The following DLGAP1 variants were observed in gnomAD, a reference collection of about 807,000 sequenced individuals.
The protein encoded by DLGAP1 is DLG associated protein 1.
Under a neutral mutation model 90.8 loss-of-function variants are expected in DLGAP1, and 11 were observed. That is an observed-to-expected ratio of 0.12 (90% CI 0.08 to 0.20). The LOEUF (loss-of-function observed/expected upper bound fraction) is 0.20, where lower values mean the gene tolerates loss of function less well. Ranked by LOEUF, DLGAP1 falls within the 10% of genes least tolerant of loss-of-function variation. The pLI, the probability that DLGAP1 is intolerant of heterozygous loss-of-function variation, is 1.00. For missense variants in DLGAP1, 1,050 were observed against 1,333.8 expected (o/e 0.79, Z 3.31); for synonymous variants, 558 against 540.7 (o/e 1.03, Z -0.44).
intron 4 of DLGAP1, chr18:3,845,201 T>C (rs2068940025): frequency 6.2e-7 from 1 of 1,608,436 alleles, no homozygotes; most frequent in Admixed American, 1.7e-5. Context: ...TTTATTTTCC[T>C]TTCCATAGCC....
intron 7 of DLGAP1, among the ~76,000 whole-genome samples, chr18:3,709,228 C>T (rs1181821761): frequency 6.6e-6 from 1 of 152,280 alleles, no homozygotes; most frequent in East Asian, 1.9e-4. Flanking sequence ...GCCGTGCAAC[C>T]TGACATGCAC....
intron 7 of DLGAP1, among the ~76,000 whole-genome samples, chr18:3,583,281 C>T (rs896069732): frequency 2.0e-4 from 30 of 150,456 alleles, no homozygotes; most frequent in Admixed American, 1.3e-4. Flanking sequence ...TTCTTTCCTT[C>T]CTTCCCTCCT....
At chr18:3,694,939 G>GTTTTTTTT (rs1219198458) in intron 7 of DLGAP1, among the ~76,000 whole-genome samples, 1 of 125,254 alleles carries the variant, frequency 8.0e-6, no homozygotes, top group Non-Finnish European at 1.7e-5. Context: ...TGTTTTTTTT[G>GTTTTTTTT]TTTTTTTTTT....
At chr18:3,507,456 C>A (rs1456053002) in intron 11 of DLGAP1, among the ~76,000 whole-genome samples, 1 of 152,082 alleles carries the variant, frequency 6.6e-6, no homozygotes, top group African/African-American at 2.4e-5. Flanking sequence ...GCAGAGGTTG[C>A]AGTGAGCCGA....
intron 1 of DLGAP1, among the ~76,000 whole-genome samples, chr18:4,445,946 T>C (rs780907716): frequency 7.9e-5 from 12 of 151,760 alleles, no homozygotes; most frequent in Non-Finnish European, 1.6e-4. Flanking sequence ...GTCAACTAGA[T>C]AGAAGGACAG....
At chr18:4,146,074 A>G (rs1214553554) in intron 2 of DLGAP1, among the ~76,000 whole-genome samples, 1 of 152,216 alleles carries the variant, frequency 6.6e-6, no homozygotes, top group Admixed American at 6.5e-5. Flanking sequence ...AAAGTCCTAA[A>G]TAAAAGTTTC....
intron 3 of DLGAP1, among the ~76,000 whole-genome samples, chr18:3,962,155 G>A (rs139622968): frequency 6.6e-6 from 1 of 152,172 alleles, no homozygotes; most frequent in Non-Finnish European, 1.5e-5. Flanking sequence ...CGTCTCAGTG[G>A]TAAGAATTTT....
intron 3 of DLGAP1, among the ~76,000 whole-genome samples, chr18:3,946,120 C>T (rs1192359454): frequency 1.3e-5 from 2 of 151,460 alleles, no homozygotes; most frequent in African/African-American, 4.9e-5. Context: ...ACTTTATTCC[C>T]TTATTTTTTT....
At chr18:3,705,735 T>G (rs1278042598) in intron 7 of DLGAP1, among the ~76,000 whole-genome samples, 1 of 151,726 alleles carries the variant, frequency 6.6e-6, no homozygotes, top group African/African-American at 2.4e-5. Context: ...CTCGGCTCAC[T>G]ACAACCTCTG....
intron 1 of DLGAP1, among the ~76,000 whole-genome samples, chr18:4,284,409 A>T (rs996948012): frequency 6.6e-6 from 1 of 152,182 alleles, no homozygotes; most frequent in Non-Finnish European, 1.5e-5. Flanking sequence ...CAAACGCTTT[A>T]TCCCATCAAA....
chr18:4,257,687 C>T (rs1231302598), intron 1 of DLGAP1, among the ~76,000 whole-genome samples: 3 of 150,964 alleles, frequency 2.0e-5, no homozygotes, highest in African/African-American at 7.3e-5. Flanking sequence ...TGCAGTGGCA[C>T]GATCTTGGCT....
At chr18:3,674,296 A>AATATATAT (rs1555623973) in intron 7 of DLGAP1, among the ~76,000 whole-genome samples, 2 of 128,992 alleles carry the variant, frequency 1.6e-5, no homozygotes, top group Non-Finnish European at 1.6e-5. Flanking sequence ...ATAATATTAA[A>AATATATAT]ATATATATAT....
chr18:3,829,011 A>G (rs1040655390), intron 4 of DLGAP1, among the ~76,000 whole-genome samples: 1 of 152,256 alleles, frequency 6.6e-6, no homozygotes, highest in Admixed American at 6.5e-5. Flanking sequence ...TGCTTATAAA[A>G]GTGGCACTGA....
chr18:3,980,154 TAAAC>T (rs1599261021), intron 3 of DLGAP1, among the ~76,000 whole-genome samples: 1 of 151,366 alleles, frequency 6.6e-6, no homozygotes, highest in African/African-American at 2.4e-5. Context: ...AATAAATAAA[TAAAC>T]AAAAAAAGTA....
chr18:4,109,477 G>A (rs1466091173), intron 2 of DLGAP1, among the ~76,000 whole-genome samples: 2 of 152,154 alleles, frequency 1.3e-5, no homozygotes, highest in Admixed American at 6.5e-5. Flanking sequence ...CATGGTTACT[G>A]TAGTGTTCAG....
At chr18:4,364,369 C>A (rs1336595066) in intron 1 of DLGAP1, among the ~76,000 whole-genome samples, 4 of 151,258 alleles carry the variant, frequency 2.6e-5, no homozygotes, top group Non-Finnish European at 4.4e-5. Flanking sequence ...AACTAACCTG[C>A]ACATTGTGCA....
chr18:3,625,989 C>G (rs1309889978), intron 7 of DLGAP1, among the ~76,000 whole-genome samples: 1 of 152,110 alleles, frequency 6.6e-6, no homozygotes, highest in African/African-American at 2.4e-5. Flanking sequence ...TTGTGCTTGC[C>G]TAGGTTTGTG....
chr18:3,549,026 G>A (rs902500220), intron 9 of DLGAP1, among the ~76,000 whole-genome samples: 3 of 152,170 alleles, frequency 2.0e-5, no homozygotes, highest in Admixed American at 1.3e-4. Flanking sequence ...GCGACAGGGC[G>A]AGACTCCATC....
Position 3,879,817 on chromosome 18 carries a change from C to T in DLGAP1, c.252G>A (p.Glu84=), listed in dbSNP as rs527936605. The part of the protein sequence containing the change: ...HYTSQQELKD[E]CALVPRTLAT... Reference sequence around the variant, plus strand: ...CCAGGGTGCGGGGCACCAGGGCACACTCGTCCTTCAGCTCTTGCTGCGAGG... The same window carrying T: ...CCAGGGTGCGGGGCACCAGGGCACATTCGTCCTTCAGCTCTTGCTGCGAGG... Residue 84 remains glutamate, a synonymous_variant, in exon 4 of 13, where the codon GAG becomes GAA. Coordinates refer to ENST00000315677, the MANE Select transcript of DLGAP1 (RefSeq NM_004746.4). This position sits in a 1 kb window ranked among gnomAD's most constrained non-coding sequence, Gnocchi z 6.6. 4 of 1,608,126 alleles carry T rather than the reference C, an allele frequency of 2.5e-6. No individual in the cohort carries two copies. Among genetic ancestry groups the T allele is most frequent in the Non-Finnish European group, 3.4e-6 (4 of 1,179,874 alleles).
Sources: gnomAD v4.1 joint callset for allele counts (sites outside exome capture counted in the v4.1 genomes callset) on GRCh38, gnomAD v4.1.1 for gene constraint, Gnocchi (gnomAD v3.1) non-coding constraint, MANE v1.5 for transcripts, NCBI Gene and HGNC (gene_info 2026-07-23, HGNC 2026-07-21) for gene names.